The following TAGLN3 variants were observed in gnomAD, a reference collection of about 807,000 sequenced individuals.
The protein encoded by TAGLN3 is transgelin 3, also known as transgelin-3.
Under a neutral mutation model 25.4 loss-of-function variants are expected in TAGLN3, and 12 were observed. The ratio of observed to expected loss-of-function variants is 0.47; its 90% CI spans 0.30 to 0.77. The LOEUF (loss-of-function observed/expected upper bound fraction) is 0.77. Among genes scored for constraint, TAGLN3 ranks in the 30% least tolerant of loss-of-function variants. The pLI, the probability that TAGLN3 is intolerant of heterozygous loss-of-function variation, is 0.06. For missense variants in TAGLN3, 218 were observed against 255.8 expected, an observed-to-expected ratio of 0.85 and a Z score of 1.01; for synonymous variants, 96 against 94.8, an observed-to-expected ratio of 1.01 and a Z score of -0.08.
chr3:112,002,865 G>A (rs149439937), intron 3 of TAGLN3, among the ~76,000 whole-genome samples: 1 of 151,430 alleles, frequency 6.6e-6, no homozygotes, highest in African/African-American at 2.4e-5. Flanking sequence ...CTGATGTACA[G>A]AGTCGGAGGA....
intron 3 of TAGLN3, 27 bp from the exon 4 acceptor site, chr3:112,011,736 G>C (rs891191834): frequency 2.5e-6 from 4 of 1,602,218 alleles, no homozygotes; most frequent in Non-Finnish European, 3.4e-6. Context: ...ACACGTGCTT[G>C]GCTTTAAGCT....
chr3:112,002,594 A>G (rs2072872576), intron 3 of TAGLN3, among the ~76,000 whole-genome samples: 1 of 151,736 alleles, frequency 6.6e-6, no homozygotes, highest in Non-Finnish European at 1.5e-5. Context: ...AGGACTGTGT[A>G]GGACAGAAGG....
At chr3:112,009,498 C>T (rs188394329) in intron 3 of TAGLN3, among the ~76,000 whole-genome samples, 96 of 152,318 alleles carry the variant, frequency 6.3e-4, no homozygotes, top group Non-Finnish European at 9.6e-4. Context: ...ATGTGCTCCT[C>T]ATCCAGCCTG....
Position 111,999,564 on chromosome 3 carries a change from G to A in TAGLN3, c.142G>A (p.Gly48Ser), listed in dbSNP as rs1310462198. 1.3e-5 allele frequency: 21 copies of A among 1,614,008 alleles called. No individual in the cohort carries two copies. The highest frequency in any genetic ancestry group is 1.7e-5 in the Non-Finnish European group (20 of 1,180,004). ...CGAGGACATAGAGCACCCGCCCCCC[G>A]GCAGGGCCCATTTTCAGAAATGGTT... ...CAEDIEHPPP[G>S]RAHFQKWLMD... Residue 48 changes from glycine to serine, a missense_variant, in exon 2 of 5, where the codon GGC (glycine) becomes AGC (serine). Transcript: ENST00000478951.
chr3:111,999,742 T>C (rs2072834735), intron 2 of TAGLN3, 140 bp downstream of exon 2: 1 of 1,154,068 alleles, frequency 8.7e-7, no homozygotes, highest in Middle Eastern at 3.0e-4. Context: ...AATGCCTTTA[T>C]TTCTTCAGGG....
At chr3:112,013,278 C>G in intron 4 of TAGLN3, 132 bp from the exon 5 acceptor site, 1 of 1,205,758 alleles carries the variant, frequency 8.3e-7, no homozygotes, top group East Asian at 2.6e-5. Context: ...GGCCATAGCT[C>G]ATAACCACAG....
At chr3:112,002,422 C>A (rs111876154) in intron 3 of TAGLN3, among the ~76,000 whole-genome samples, 5 of 152,312 alleles carry the variant, frequency 3.3e-5, no homozygotes, top group African/African-American at 1.2e-4. Context: ...GGCTCTCTGA[C>A]AGCAAAGAAT....
At position 112,013,784 on chromosome 3, in the gene TAGLN3, CAG is replaced by C; in HGVS notation, c.*236_*237del. On this transcript the variant is annotated 3_prime_UTR_variant, in exon 5 of 5. Transcript: ENST00000478951. ...CCGTTTTCCTGAGCTCCTCGGGCCC[CAG>C]AGTCTCTGTTTGATTATTTATTTAT... 4 of 595,188 alleles carry C rather than the reference CAG, an allele frequency of 6.7e-6. No homozygotes were observed. The highest frequency in any genetic ancestry group is 3.0e-6 in the Non-Finnish European group (1 of 334,810). 36.9% of individuals were successfully genotyped at this position (595,188 alleles called of 1,614,324 possible).
Position 112,000,838 on chromosome 3 carries a change from T to A in TAGLN3, c.247T>A (p.Ser83Thr), listed in dbSNP as rs769124019. Reference protein sequence around the residue: ...GQEPIPKISESKMAFKQMEQI... With the variant: ...GQEPIPKISETKMAFKQMEQI... ...AGAGCCCATACCCAAGATCTCAGAGTCAAAGATGGCTTTTAAGCAGATGGA... is the reference window on the plus strand; with the variant it reads ...AGAGCCCATACCCAAGATCTCAGAGACAAAGATGGCTTTTAAGCAGATGGA... The change falls in exon 3 of 5, where the codon TCA becomes ACA. Residue 83 changes from serine (S) to threonine (T), a missense_variant. Ser to Thr is a moderately conservative substitution (Grantham distance 58). Coordinates refer to ENST00000478951, the MANE Select transcript of TAGLN3 (RefSeq NM_001008272.2). 7 of 1,613,954 alleles carry A rather than the reference T, an allele frequency of 4.3e-6. No homozygotes were observed. In the African/African-American group the frequency reaches 8.0e-5, roughly 18 times the overall value.
Position 112,013,475 on chromosome 3 carries a change from G to A in TAGLN3, c.524G>A (p.Gly175Asp). 1 of 1,614,212 alleles carries A rather than the reference G, an allele frequency of 6.2e-7. No homozygotes were observed. The highest frequency in any genetic ancestry group is 8.5e-7 in the Non-Finnish European group (1 of 1,180,024). The stretch of plus-strand genomic sequence containing the variant: ...CTTCGCCAGGGACAGAACGTAATAG[G>A]CCTGCAGATGGGCAGCAACAAGGGA... ...EQLRQGQNVIGLQMGSNKGAS... is the reference protein window; with the variant it reads ...EQLRQGQNVIDLQMGSNKGAS... The change falls in exon 5 of 5, where the codon GGC becomes GAC. Residue 175 changes from glycine to aspartate, a missense_variant. Gly to Asp is a moderately conservative substitution (Grantham distance 94). Transcript: ENST00000478951.
intron 3 of TAGLN3, among the ~76,000 whole-genome samples, chr3:112,010,294 G>A (rs2072961932): frequency 6.6e-6 from 1 of 152,048 alleles, no homozygotes; most frequent in Non-Finnish European, 1.5e-5. Flanking sequence ...CCAGAAACAA[G>A]TATCCAGGGT....
chr3:111,999,737 C>T lies in TAGLN3; in HGVS notation c.180+135C>T, dbSNP rs2072834637. Reference sequence around the variant, plus strand: ...TCTCACCGGGAGGGGATGAGAATGCCTTTATTTCTTCAGGGTTGGAAGATT... The same window carrying T: ...TCTCACCGGGAGGGGATGAGAATGCTTTTATTTCTTCAGGGTTGGAAGATT... On this transcript the variant is annotated intron_variant, in intron 2 of 4. Coordinates refer to ENST00000478951, the MANE Select transcript of TAGLN3 (RefSeq NM_001008272.2). 9 of 1,177,152 alleles carry T rather than the reference C, an allele frequency of 7.6e-6. No individual in the cohort carries two copies. The South Asian group carries it at 1.3e-4, about 17-fold the overall frequency. The allele number at this position is 1,177,152 out of a possible 1,614,324, so 72.9% of individuals were successfully genotyped here. A position where few individuals can be genotyped will look rare whatever the true frequency, so the allele number is the denominator to read the frequency against.
intron 3 of TAGLN3, among the ~76,000 whole-genome samples, chr3:112,004,528 T>C (rs2072896152): frequency 6.6e-6 from 1 of 152,162 alleles, no homozygotes; most frequent in Non-Finnish European, 1.5e-5. Flanking sequence ...GAGTCAGAAA[T>C]TAGACTGCCT....
chr3:112,013,799 ATTATTTAT>A lies in TAGLN3; in HGVS notation c.*267_*274del, dbSNP rs112929808. On this transcript the variant is annotated 3_prime_UTR_variant, in exon 5 of 5. Coordinates refer to ENST00000478951, the MANE Select transcript of TAGLN3 (RefSeq NM_001008272.2). Reference sequence around the variant, plus strand: ...CCTCGGGCCCCAGAGTCTCTGTTTGATTATTTATTTATTTATTTATTTATTTGCCAAAA... The same window carrying A: ...CCTCGGGCCCCAGAGTCTCTGTTTGATTATTTATTTATTTATTTGCCAAAA... The A allele has an allele frequency of 2.2e-5, 11 of 511,068 alleles. No homozygotes were observed. Among genetic ancestry groups the A allele is most frequent in the Middle Eastern group, 5.1e-4 (1 of 1,966 alleles). The allele number at this position is 511,068 out of a possible 1,614,324, so 31.7% of individuals were successfully genotyped here.
rs146322890 is a variant in TAGLN3, at chr3:112,011,664, C to A, written c.356-99C>A. ...CTCCCTTGAATCTGGTCACCTGCAG[C>A]CTTCTATCAGAACTTCCCTCCTGGG... is the stretch of plus-strand genomic sequence containing the variant. On this transcript the variant is annotated intron_variant, in intron 3 of 4. Coordinates refer to ENST00000478951, the MANE Select transcript of TAGLN3 (RefSeq NM_001008272.2). 229 of 1,134,392 alleles carry A rather than the reference C, an allele frequency of 2.0e-4. 2 individuals are homozygous for A. The East Asian group carries it at 5.3e-3, about 26-fold the overall frequency. 70.3% of individuals were successfully genotyped at this position (1,134,392 alleles called of 1,614,324 possible).
intron 3 of TAGLN3, among the ~76,000 whole-genome samples, chr3:112,002,979 C>T (rs1559942148): frequency 6.6e-6 from 1 of 152,056 alleles, no homozygotes; most frequent in East Asian, 1.9e-4. Flanking sequence ...GTGGACCAGT[C>T]AGCTCCAGGG....
intron 3 of TAGLN3, among the ~76,000 whole-genome samples, chr3:112,002,894 C>T (rs1484478425): frequency 6.6e-6 from 1 of 151,384 alleles, no homozygotes; most frequent in Non-Finnish European, 1.5e-5. Flanking sequence ...CCACCTGCCC[C>T]AGACCCGTGT....
intron 3 of TAGLN3, among the ~76,000 whole-genome samples, chr3:112,001,164 G>A (rs569555168): frequency 2.0e-5 from 3 of 152,284 alleles, no homozygotes; most frequent in Non-Finnish European, 1.5e-5. Context: ...GACACAGAGG[G>A]GATCTCAGCA....
intron 3 of TAGLN3, among the ~76,000 whole-genome samples, chr3:112,009,892 A>G (rs534956636): frequency 6.6e-6 from 1 of 151,738 alleles, no homozygotes; most frequent in Non-Finnish European, 1.5e-5. Flanking sequence ...AGGCTCCTGG[A>G]TATCTTATCT....
Sources: allele counts gnomAD v4.1 joint callset (sites outside exome capture counted in the v4.1 genomes callset), GRCh38; gene constraint gnomAD v4.1.1; transcripts MANE v1.5; gene names NCBI Gene and HGNC (gene_info 2026-07-23, HGNC 2026-07-21).